The following SH3RF1 variants were observed in gnomAD, a reference collection of about 807,000 sequenced individuals.
The protein encoded by SH3RF1 is E3 ubiquitin-protein ligase SH3RF1.
Under a neutral mutation model 74.0 loss-of-function variants are expected in SH3RF1, and 32 were observed. That is an observed-to-expected ratio of 0.43 (90% CI 0.33 to 0.58). SH3RF1 has a LOEUF of 0.58. Among genes scored for constraint, SH3RF1 ranks in the 20% least tolerant of loss-of-function variants. The pLI is 0.05. For missense variants in SH3RF1, 954 were observed against 1,130.9 expected, an observed-to-expected ratio of 0.84 and a Z score of 2.24; for synonymous variants, 396 against 439.6, an observed-to-expected ratio of 0.90 and a Z score of 1.24.
chr4:169,125,770 A>T (rs949264902), intron 6 of SH3RF1, among the ~76,000 whole-genome samples: 2 of 152,164 alleles, frequency 1.3e-5, no homozygotes, highest in Non-Finnish European at 2.9e-5. Flanking sequence ...AACCCTACAT[A>T]TCAACATGTC....
At chr4:169,115,673 T>C (rs1338849786) in intron 10 of SH3RF1, among the ~76,000 whole-genome samples, 1 of 152,174 alleles carries the variant, frequency 6.6e-6, no homozygotes, top group African/African-American at 2.4e-5. Flanking sequence ...GTAATGAGCT[T>C]GAATCATTCT....
chr4:169,222,373 G>A (rs1160579413), intron 2 of SH3RF1, among the ~76,000 whole-genome samples: 1 of 152,060 alleles, frequency 6.6e-6, no homozygotes, highest in Non-Finnish European at 1.5e-5. Flanking sequence ...GCTGACGCAG[G>A]AGAACTGCTT....
chr4:169,169,033 C>T (rs1398819575), intron 2 of SH3RF1, among the ~76,000 whole-genome samples: 4 of 152,176 alleles, frequency 2.6e-5, no homozygotes, highest in Non-Finnish European at 5.9e-5. Flanking sequence ...GAAACAAGCT[C>T]AGCTGTGGTC....
At chr4:169,134,974 C>T (rs1476878501) in intron 5 of SH3RF1, among the ~76,000 whole-genome samples, 1 of 152,122 alleles carries the variant, frequency 6.6e-6, no homozygotes, top group African/African-American at 2.4e-5. Context: ...AACAACAATC[C>T]CACAATCCCA....
At chr4:169,102,376 G>C (rs907231912) in intron 11 of SH3RF1, among the ~76,000 whole-genome samples, 2 of 151,630 alleles carry the variant, frequency 1.3e-5, no homozygotes, top group African/African-American at 2.4e-5. Context: ...CTTAATCCCT[G>C]ATCAAAGATC....
intron 11 of SH3RF1, among the ~76,000 whole-genome samples, chr4:169,098,921 G>A (rs1036649610): frequency 1.3e-5 from 2 of 152,204 alleles, no homozygotes; most frequent in African/African-American, 4.8e-5. Flanking sequence ...ATGATCATAT[G>A]GCTTAGACAA....
intron 2 of SH3RF1, among the ~76,000 whole-genome samples, chr4:169,184,553 T>C (rs1045811738): frequency 1.3e-5 from 2 of 152,178 alleles, no homozygotes; most frequent in African/African-American, 2.4e-5. Context: ...TGTAATAGTA[T>C]TCTGAAGAGA....
intron 2 of SH3RF1, among the ~76,000 whole-genome samples, chr4:169,210,230 T>C (rs1730335491): frequency 6.6e-6 from 1 of 152,234 alleles, no homozygotes; most frequent in African/African-American, 2.4e-5. Flanking sequence ...CCTCTTGCCC[T>C]TCCCTCCTAC....
At chr4:169,214,518 G>GA (rs1400100192) in intron 2 of SH3RF1, among the ~76,000 whole-genome samples, 1 of 152,110 alleles carries the variant, frequency 6.6e-6, no homozygotes, top group Non-Finnish European at 1.5e-5. Context: ...ATCAAGTTGG[G>GA]AAAAAAACTG....
In SH3RF1 at chr4:169,102,524, T is replaced by A. The variant is rs144988142; in HGVS notation, c.2498+4323A>T. On this transcript the variant is annotated intron_variant, in intron 11 of 11. Transcript: ENST00000284637. ...CTCCCTGAACTCTTTATATATATAT[T>A]TTTTTTCTTTGGAAGAAAAACCTGT... 1.5e-3 allele frequency among the ~76,000 whole-genome samples: 228 copies of A among 152,092 alleles called. 1 individual carries two copies. The highest frequency in any genetic ancestry group is 4.8e-3 in the African/African-American group (201 of 41,516).
At chr4:169,238,551 C>G (rs1730854332) in intron 2 of SH3RF1, among the ~76,000 whole-genome samples, 1 of 152,196 alleles carries the variant, frequency 6.6e-6, no homozygotes, top group Non-Finnish European at 1.5e-5. Flanking sequence ...TGTTGTCTAT[C>G]AGGCTGAAGT....
At chr4:169,240,987 T>G (rs186579475) in intron 2 of SH3RF1, among the ~76,000 whole-genome samples, 16 of 152,246 alleles carry the variant, frequency 1.1e-4, no homozygotes, top group Admixed American at 2.6e-4. Context: ...TCCCAGCACT[T>G]TGGGAGGCTG....
At chr4:169,156,260 C>T (rs1734048035) in intron 3 of SH3RF1, 144 bp downstream of exon 3, 2 of 877,788 alleles carry the variant, frequency 2.3e-6, no homozygotes, top group Middle Eastern at 3.6e-4. Flanking sequence ...TTAAAGACTG[C>T]TTCTAGGCAT....
At chr4:169,228,169 A>C (rs1430570625) in intron 2 of SH3RF1, among the ~76,000 whole-genome samples, 2 of 152,236 alleles carry the variant, frequency 1.3e-5, no homozygotes, top group Admixed American at 1.3e-4. Context: ...AGAATTAAAA[A>C]TCTGCACTAG....
intron 11 of SH3RF1, among the ~76,000 whole-genome samples, chr4:169,103,666 T>C (rs773296095): frequency 4.6e-5 from 7 of 152,218 alleles, no homozygotes; most frequent in Non-Finnish European, 1.0e-4. Context: ...TTTTCCTATA[T>C]GTTACCGCAC....
At chr4:169,109,320 A>G (rs1052782064) in intron 10 of SH3RF1, among the ~76,000 whole-genome samples, 1 of 152,236 alleles carries the variant, frequency 6.6e-6, no homozygotes, top group Non-Finnish European at 1.5e-5. Flanking sequence ...AGATAACTCA[A>G]CGGCACTCAG....
intron 2 of SH3RF1, among the ~76,000 whole-genome samples, chr4:169,240,079 A>G (rs1730881606): frequency 6.6e-6 from 1 of 152,240 alleles, no homozygotes; most frequent in African/African-American, 2.4e-5. Context: ...AAACACTCCA[A>G]CTGCACACTG....
At chr4:169,252,727 A>T (rs1253503025) in intron 2 of SH3RF1, among the ~76,000 whole-genome samples, 1 of 152,236 alleles carries the variant, frequency 6.6e-6, no homozygotes, top group African/African-American at 2.4e-5. Flanking sequence ...ACAGAGAATA[A>T]ATACGTGCTG....
chr4:169,164,525 T>C (rs780059978), intron 2 of SH3RF1, among the ~76,000 whole-genome samples: 1 of 152,206 alleles, frequency 6.6e-6, no homozygotes, highest in Non-Finnish European at 1.5e-5. Flanking sequence ...GGGCACTTGA[T>C]TCTGAGACAT....
Sources: allele counts gnomAD v4.1 joint callset (sites outside exome capture counted in the v4.1 genomes callset), GRCh38; gene constraint gnomAD v4.1.1; transcripts MANE v1.5; gene names NCBI Gene and HGNC (gene_info 2026-07-23, HGNC 2026-07-21).